ZC2HC1A: variants seen among roughly 807,000 people sequenced by gnomAD.
ZC2HC1A encodes the protein zinc finger C2HC domain-containing protein 1A.
In ZC2HC1A, 28 loss-of-function variants were observed where a neutral mutation model predicts 40.7. That is an observed-to-expected ratio of 0.69 (90% confidence interval 0.51 to 0.94). ZC2HC1A has a LOEUF of 0.94. Ranked by LOEUF, ZC2HC1A falls within the 40% of genes least tolerant of loss-of-function variation. ZC2HC1A has a pLI of 0.00. For synonymous variants in ZC2HC1A, 129 were observed against 129.2 expected (o/e 1.00, Z 0.01); for missense variants, 389 against 386.3 (o/e 1.01, Z -0.06).
chr8:78,710,595 G>A (rs1223302535), intron 7 of ZC2HC1A, among the ~76,000 whole-genome samples: 1 of 151,888 alleles, frequency 6.6e-6, no homozygotes, highest in Non-Finnish European at 1.5e-5. Flanking sequence ...TTTTTTCTGA[G>A]AAAGAAAAAT....
At chr8:78,716,553 C>A (rs2130619261) in intron 8 of ZC2HC1A, among the ~76,000 whole-genome samples, 1 of 152,276 alleles carries the variant, frequency 6.6e-6, no homozygotes, top group South Asian at 2.1e-4. Flanking sequence ...AGCATCACCT[C>A]ACAATCCTTG....
intron 5 of ZC2HC1A, among the ~76,000 whole-genome samples, chr8:78,696,985 A>G (rs1810441541): frequency 6.6e-6 from 1 of 152,158 alleles, no homozygotes; most frequent in Non-Finnish European, 1.5e-5. Context: ...TTTTCCTGTG[A>G]ACTGAAAAAG....
At chr8:78,702,113 A>T (rs192776685) in intron 7 of ZC2HC1A, among the ~76,000 whole-genome samples, 3 of 151,866 alleles carry the variant, frequency 2.0e-5, no homozygotes, top group African/African-American at 7.3e-5. Flanking sequence ...GCTTTTTTCA[A>T]TTGGTAAGCT....
intron 7 of ZC2HC1A, among the ~76,000 whole-genome samples, chr8:78,714,808 A>C (rs563613371): frequency 3.3e-5 from 5 of 152,292 alleles, no homozygotes; most frequent in African/African-American, 1.2e-4. Flanking sequence ...CTAGCAAAAA[A>C]ATTCTTTTTT....
chr8:78,667,439 G>A (rs936987177), intron 1 of ZC2HC1A, among the ~76,000 whole-genome samples: 1 of 151,960 alleles, frequency 6.6e-6, no homozygotes, highest in South Asian at 2.1e-4. Context: ...TGGGATTAAA[G>A]CATGGGTTAT....
At position 78,719,003 on chromosome 8, in the gene ZC2HC1A, A is replaced by C. The variant is rs1811186273; in HGVS notation, c.*1510A>C. ...CAAACTTAATAGGAATTGTCATTTT[A>C]CTTACAGTTTATTTCCTGATTAGTT... On this transcript the variant is annotated 3_prime_UTR_variant, in exon 9 of 9. Coordinates refer to ENST00000263849, the MANE Select transcript of ZC2HC1A (RefSeq NM_016010.3). 6.6e-6 allele frequency: 1 copy of C among 151,742 alleles called. No homozygotes were observed. Among genetic ancestry groups the C allele is most frequent in the Non-Finnish European group, 1.5e-5 (1 of 67,670 alleles). The allele number at this position is 151,742 out of a possible 1,614,324, so 9.4% of individuals were successfully genotyped here. A position where few individuals can be genotyped will look rare whatever the true frequency, so the allele number is the denominator to read the frequency against.
At chr8:78,670,263 G>T (rs974170978) in intron 1 of ZC2HC1A, among the ~76,000 whole-genome samples, 1 of 152,006 alleles carries the variant, frequency 6.6e-6, no homozygotes, top group Non-Finnish European at 1.5e-5. Context: ...CAACGCACTC[G>T]GCGGAATGGA....
chr8:78,691,255 T>A (rs561150392), intron 5 of ZC2HC1A, among the ~76,000 whole-genome samples: 1 of 141,678 alleles, frequency 7.1e-6, no homozygotes, highest in East Asian at 1.9e-4. Flanking sequence ...CTCTTTAGTT[T>A]TGCCAGCTTT....
rs35677411 is a variant in ZC2HC1A, at chr8:78,713,463, C to CA, written c.705-1745dup. ...CATGCACTTAAGACGATTCTATAGC[C>CA]AAAAAAAAAAAAAGTGTTCTTCCTA... On this transcript the variant is annotated intron_variant, in intron 7 of 8. Transcript: ENST00000263849. 2.7e-3 allele frequency among the ~76,000 whole-genome samples: 374 copies of CA among 136,602 alleles called. 2 individuals carry two copies. Among genetic ancestry groups the CA allele is most frequent in the East Asian group, 0.021 (99 of 4,742 alleles). 89.6% of individuals were successfully genotyped at this position (136,602 alleles called of 152,430 possible).
At chr8:78,679,820 G>A (rs1474737968) in intron 3 of ZC2HC1A, among the ~76,000 whole-genome samples, 1 of 152,010 alleles carries the variant, frequency 6.6e-6, no homozygotes, top group Non-Finnish European at 1.5e-5. Context: ...GTTCATTTTT[G>A]TTTTTTACTG....
At chr8:78,680,223 A>T (rs187896741) in intron 3 of ZC2HC1A, among the ~76,000 whole-genome samples, 36 of 150,716 alleles carry the variant, frequency 2.4e-4, no homozygotes, top group Non-Finnish European at 4.7e-4. Flanking sequence ...TAAAAATTGA[A>T]TTCTAGAAAA....
Position 78,678,603 on chromosome 8 carries a change from A to T in ZC2HC1A, c.134A>T (p.Lys45Ile). 2 of 1,612,442 alleles carry T rather than the reference A, an allele frequency of 1.2e-6. No homozygotes were observed. The highest frequency in any genetic ancestry group is 2.2e-5 in the East Asian group (1 of 44,744). ...ATTTGCCAGAAGACTGCAACTAAAA[A>T]ACGGAAGACTTTTGATTCAAGCAGA... ...GPICQKTATKKRKTFDSSRQR... is the reference protein window; with the variant it reads ...GPICQKTATKIRKTFDSSRQR... Residue 45 changes from lysine (K) to isoleucine (I), a missense_variant, in exon 3 of 9, where the codon AAA becomes ATA. By Grantham distance (102) the Lys-to-Ile change is moderately radical. Transcript: ENST00000263849.
intron 7 of ZC2HC1A, among the ~76,000 whole-genome samples, chr8:78,698,991 C>T (rs1379325432): frequency 6.6e-6 from 1 of 152,112 alleles, no homozygotes; most frequent in Non-Finnish European, 1.5e-5. Flanking sequence ...ACACTGGACT[C>T]TTTTCACGTT....
rs1810351915 is a variant in ZC2HC1A, at chr8:78,694,990, T to C, written c.505-2417T>C. ...TTGATTGATAGAGTCATTCTGAAAG[T>C]CTTTATATACCAGTAGACTTTCAGC... On this transcript the variant is annotated intron_variant, in intron 5 of 8. Coordinates refer to ENST00000263849, the MANE Select transcript of ZC2HC1A (RefSeq NM_016010.3). Among the ~76,000 whole-genome samples, 2 of 152,184 alleles carry C rather than the reference T, an allele frequency of 1.3e-5. 1 individual carries two copies.
chr8:78,702,492 G>A (rs1362147875), intron 7 of ZC2HC1A, among the ~76,000 whole-genome samples: 1 of 151,954 alleles, frequency 6.6e-6, no homozygotes, highest in Non-Finnish European at 1.5e-5. Flanking sequence ...ACTATTTCTT[G>A]TCTTCTGCTA....
intron 3 of ZC2HC1A, among the ~76,000 whole-genome samples, chr8:78,683,720 A>T (rs1462584295): frequency 1.3e-5 from 2 of 152,128 alleles, no homozygotes; most frequent in Admixed American, 6.5e-5. Flanking sequence ...AGCAGCCATG[A>T]ATTTCTCCCC....
intron 3 of ZC2HC1A, among the ~76,000 whole-genome samples, chr8:78,682,428 G>C (rs1333415559): frequency 6.6e-6 from 1 of 152,140 alleles, no homozygotes; most frequent in Non-Finnish European, 1.5e-5. Context: ...GGAAGGTGAA[G>C]AAGGAACAAA....
At position 78,666,129 on chromosome 8, in the gene ZC2HC1A, G is replaced by A; in HGVS notation, c.-20G>A. On this transcript the variant is annotated 5_prime_UTR_variant, in exon 1 of 9. Coordinates refer to ENST00000263849, the MANE Select transcript of ZC2HC1A (RefSeq NM_016010.3). The stretch of plus-strand genomic sequence containing the variant: ...CGGGCGCTGCTGAAGGAGTCTCGCT[G>A]AGCTCGAGGAGGTGGCGCGATGGAG... 6.4e-7 allele frequency: 1 copy of A among 1,566,778 alleles called. No homozygotes were observed. Among genetic ancestry groups the A allele is most frequent in the Non-Finnish European group, 8.7e-7 (1 of 1,155,800 alleles).
At chr8:78,688,338 T>C (rs1810092679) in intron 4 of ZC2HC1A, among the ~76,000 whole-genome samples, 1 of 152,122 alleles carries the variant, frequency 6.6e-6, no homozygotes, top group South Asian at 2.1e-4. Context: ...TTTTTAATCT[T>C]TTGGGCCTGA....
Sources: allele counts gnomAD v4.1 joint callset (sites outside exome capture counted in the v4.1 genomes callset), GRCh38; gene constraint gnomAD v4.1.1; transcripts MANE v1.5; gene names NCBI Gene and HGNC (gene_info 2026-07-23, HGNC 2026-07-21).